The following SLC35D4 variants were observed in gnomAD, a reference collection of about 807,000 sequenced individuals.
The protein encoded by SLC35D4 is solute carrier family 35 member D4.
the SLC35D4 span, among the ~76,000 whole-genome samples, chr18:23,277,636 G>C: frequency 6.6e-6 from 1 of 152,158 alleles, no homozygotes; most frequent in African/African-American, 2.4e-5. Context: ...AACAGGCAAG[G>C]GAAACTTTAT....
chr18:23,383,337 A>T, the SLC35D4 span, among the ~76,000 whole-genome samples: 1 of 151,770 alleles, frequency 6.6e-6, no homozygotes. Flanking sequence ...AAAGGAAGAG[A>T]AAGATGGATG....
At chr18:23,271,863 A>C in the SLC35D4 span, among the ~76,000 whole-genome samples, 2 of 152,184 alleles carry the variant, frequency 1.3e-5, no homozygotes, top group African/African-American at 2.4e-5. Flanking sequence ...CTGATAGCTA[A>C]ACATGTGGAG....
the SLC35D4 span, among the ~76,000 whole-genome samples, chr18:23,392,193 C>T: frequency 6.6e-6 from 1 of 152,146 alleles, no homozygotes; most frequent in Non-Finnish European, 1.5e-5. Flanking sequence ...CTGCCTTGGC[C>T]TCCCAAAGTG....
At chr18:23,246,403 T>G in the SLC35D4 span, among the ~76,000 whole-genome samples, 1 of 152,250 alleles carries the variant, frequency 6.6e-6, no homozygotes, top group South Asian at 2.1e-4. Flanking sequence ...TTTTTGGTTT[T>G]TTTTTTGAGA....
At chr18:23,378,065 G>A in the SLC35D4 span, among the ~76,000 whole-genome samples, 2 of 151,552 alleles carry the variant, frequency 1.3e-5, no homozygotes, top group African/African-American at 2.4e-5. Context: ...TCACTCTGTT[G>A]CCCTGGCTGG....
the SLC35D4 span, among the ~76,000 whole-genome samples, chr18:23,425,012 T>G: frequency 6.6e-6 from 1 of 152,214 alleles, no homozygotes; most frequent in African/African-American, 2.4e-5. Context: ...TTAAATGGTT[T>G]AATAATTAAA....
the SLC35D4 span, chr18:23,370,368 C>A: frequency 2.8e-6 from 3 of 1,067,712 alleles, no homozygotes; most frequent in African/African-American, 1.6e-5. Context: ...CCCAAAAGCA[C>A]GACTGCTGGT....
chr18:23,267,524 A>C, the SLC35D4 span, among the ~76,000 whole-genome samples: 1 of 148,226 alleles, frequency 6.7e-6, no homozygotes, highest in Non-Finnish European at 1.5e-5. Flanking sequence ...CCCCCAGGAC[A>C]CTCCTCTAGC....
the SLC35D4 span, among the ~76,000 whole-genome samples, chr18:23,365,867 T>G: frequency 2.0e-5 from 3 of 152,230 alleles, no homozygotes. Context: ...AGATTGCCTC[T>G]TGGGACAGGC....
the SLC35D4 span, among the ~76,000 whole-genome samples, chr18:23,319,172 C>A: frequency 2.0e-5 from 3 of 152,030 alleles, no homozygotes; most frequent in Non-Finnish European, 2.9e-5. Flanking sequence ...AGGTTGGTAA[C>A]CAGTTACTTT....
chr18:23,277,725 A>G, the SLC35D4 span, among the ~76,000 whole-genome samples: 1 of 152,206 alleles, frequency 6.6e-6, no homozygotes, highest in Non-Finnish European at 1.5e-5. Context: ...TCTAGCCAAC[A>G]GGCAGGGTGA....
At chr18:23,405,418 G>A in the SLC35D4 span, among the ~76,000 whole-genome samples, 1 of 152,080 alleles carries the variant, frequency 6.6e-6, no homozygotes, top group Non-Finnish European at 1.5e-5. Context: ...TCAAACTCCC[G>A]ACTTCAAGTG....
the SLC35D4 span, among the ~76,000 whole-genome samples, chr18:23,261,106 G>A: frequency 1.1e-4 from 16 of 152,298 alleles, no homozygotes; most frequent in South Asian, 3.3e-3. Flanking sequence ...TGCCTCGCGA[G>A]TACTGTGCTT....
chr18:23,421,498 C>T, the SLC35D4 span: 17 of 1,522,388 alleles, frequency 1.1e-5, no homozygotes, highest in Non-Finnish European at 1.4e-5. Flanking sequence ...GTCTCCAACA[C>T]CATCCAGCCC....
At chr18:23,392,282 T>C in the SLC35D4 span, among the ~76,000 whole-genome samples, 3 of 152,226 alleles carry the variant, frequency 2.0e-5, no homozygotes, top group East Asian at 1.9e-4. Context: ...AGAGTGTTTA[T>C]CTTTTTTTAA....
the SLC35D4 span, among the ~76,000 whole-genome samples, chr18:23,270,399 C>A: frequency 6.6e-6 from 1 of 152,208 alleles, no homozygotes; most frequent in South Asian, 2.1e-4. Flanking sequence ...GCAGAGCCCT[C>A]ATGAAGAACT....
chr18:23,356,672 A>C, the SLC35D4 span: 1 of 1,613,838 alleles, frequency 6.2e-7, no homozygotes, highest in Non-Finnish European at 8.5e-7. The surrounding 1 kb of genome is among the most constrained non-coding windows in gnomAD (Gnocchi z 4.1). Context: ...ACCTGAGGGG[A>C]ACAGCAATGG....
At chr18:23,375,557 TC>T in the SLC35D4 span, among the ~76,000 whole-genome samples, 1 of 152,054 alleles carries the variant, frequency 6.6e-6, no homozygotes, top group Non-Finnish European at 1.5e-5. Flanking sequence ...TTTAAACTTT[TC>T]CCCCCGTAAA....
the SLC35D4 span, among the ~76,000 whole-genome samples, chr18:23,292,339 A>G: frequency 5.3e-5 from 8 of 152,350 alleles, no homozygotes; most frequent in East Asian, 1.5e-3. Flanking sequence ...AAACACGCAG[A>G]GTGATAGTTC....
Sources: allele counts gnomAD v4.1 joint callset (sites outside exome capture counted in the v4.1 genomes callset), GRCh38; gene constraint gnomAD v4.1.1; non-coding constraint Gnocchi (gnomAD v3.1); transcripts MANE v1.5; gene names NCBI Gene and HGNC (gene_info 2026-07-23, HGNC 2026-07-21).